SIL1: variants seen among roughly 807,000 people sequenced by gnomAD.
SIL1 encodes the protein SIL1 nucleotide exchange factor, also known as nucleotide exchange factor SIL1.
Under a neutral mutation model 49.1 loss-of-function variants are expected in SIL1, and 40 were observed. The ratio of observed to expected loss-of-function variants is 0.81; its 90% CI spans 0.63 to 1.06. The LOEUF (loss-of-function observed/expected upper bound fraction) is 1.06. Among genes scored for constraint, SIL1 ranks in the 50% least tolerant of loss-of-function variants. The probability of loss-of-function intolerance (pLI) is 0.00; values close to 1 mark genes in which losing one functional copy is unlikely to be tolerated. For synonymous variants in SIL1, 253 were observed against 250.8 expected (o/e 1.01, Z -0.08); for missense variants, 500 against 572.6 (o/e 0.87, Z 1.29).
chr5:139,028,162 A>C (rs2351465), intron 5 of SIL1, among the ~76,000 whole-genome samples: 62,252 of 151,446 alleles, frequency 0.41, 13,472 homozygotes, highest in African/African-American at 0.56. Flanking sequence ...CATCTGTCTC[A>C]CAAAAACGAT....
intron 3 of SIL1, among the ~76,000 whole-genome samples, chr5:139,074,342 C>G (rs1396623164): frequency 6.6e-6 from 1 of 152,170 alleles, no homozygotes; most frequent in Non-Finnish European, 1.5e-5. Flanking sequence ...TAGGCATGAG[C>G]CATCATGGCT....
At chr5:139,050,192 T>A (rs759155508) in intron 4 of SIL1, among the ~76,000 whole-genome samples, 64 of 152,182 alleles carry the variant, frequency 4.2e-4, no homozygotes, top group Non-Finnish European at 7.8e-4. Context: ...GCAGTCCCAA[T>A]AAGGCCCACA....
intron 7 of SIL1, among the ~76,000 whole-genome samples, chr5:138,997,167 C>T (rs1035080474): frequency 2.0e-5 from 3 of 152,170 alleles, no homozygotes; most frequent in Non-Finnish European, 4.4e-5. Context: ...TGGCCTCAAG[C>T]GATCCTCCTG....
intron 7 of SIL1, among the ~76,000 whole-genome samples, chr5:139,010,109 G>A (rs1209670307): frequency 7.1e-6 from 1 of 140,308 alleles, no homozygotes; most frequent in East Asian, 2.1e-4. Context: ...CCAATCAGAC[G>A]TAGATTTGGT....
At chr5:139,156,766 A>G (rs1364573898) in intron 1 of SIL1, among the ~76,000 whole-genome samples, 2 of 152,222 alleles carry the variant, frequency 1.3e-5, no homozygotes, top group Non-Finnish European at 2.9e-5. Flanking sequence ...CAAGGTATAG[A>G]GGGAGCACAG....
At chr5:139,080,961 A>G (rs1467981196) in intron 3 of SIL1, among the ~76,000 whole-genome samples, 6 of 152,238 alleles carry the variant, frequency 3.9e-5, no homozygotes, top group African/African-American at 1.2e-4. Flanking sequence ...GCAGTCTTCC[A>G]TATATGTGTA....
At chr5:139,075,364 C>T (rs141270235) in intron 3 of SIL1, among the ~76,000 whole-genome samples, 56 of 152,278 alleles carry the variant, frequency 3.7e-4, no homozygotes, top group African/African-American at 1.3e-3. Flanking sequence ...TATCTCAAAA[C>T]AAGGACATTA....
rs561520283 is a variant in SIL1 at position 139,044,353 on chromosome 5, T to C, written c.354-1634A>G. Among the ~76,000 whole-genome samples, 18 of 152,242 alleles carry C rather than the reference T, an allele frequency of 1.2e-4. No individual in the cohort carries two copies. The East Asian group carries it at 1.5e-3, about 13-fold the overall frequency. On this transcript the variant is annotated intron_variant, in intron 4 of 9. Transcript: ENST00000394817. The stretch of plus-strand genomic sequence containing the variant: ...GCTTGAACACATTATCTCCTCCCTC[T>C]TGTAAGACTTGGTCAGGACTAATCC...
chr5:139,113,224 C>A (rs2151789449), intron 3 of SIL1, among the ~76,000 whole-genome samples: 1 of 152,132 alleles, frequency 6.6e-6, no homozygotes, highest in South Asian at 2.1e-4. Context: ...TATCTGCTGA[C>A]CTTCCCTCCA....
intron 3 of SIL1, among the ~76,000 whole-genome samples, chr5:139,093,321 T>C (rs572980061): frequency 5.9e-5 from 9 of 152,302 alleles, no homozygotes; most frequent in South Asian, 2.1e-4. Flanking sequence ...TTACCCAGTC[T>C]CAATTATTCT....
rs202111682 is a variant in SIL1, at chr5:139,165,347, CTTGT to C, written c.-11+32918_-11+32921del. Among the ~76,000 whole-genome samples, 451 of 152,226 alleles carry C rather than the reference CTTGT, an allele frequency of 3.0e-3. 1 individual carries two copies. Among genetic ancestry groups the C allele is most frequent in the African/African-American group, 9.9e-3 (411 of 41,554 alleles). On this transcript the variant is annotated intron_variant, in intron 1 of 9. Transcript: ENST00000394817. ...CTTTCTGAACCAAACCAATGTATTT[CTTGT>C]TTGTTTGTTTTTTTGAGATGGAGTT...
At chr5:139,043,300 C>T (rs1250163939) in intron 4 of SIL1, among the ~76,000 whole-genome samples, 1 of 152,214 alleles carries the variant, frequency 6.6e-6, no homozygotes, top group Non-Finnish European at 1.5e-5. Flanking sequence ...GTGCAATGCT[C>T]TCCCTCAGCA....
At chr5:139,148,937 C>G (rs1431298438) in intron 1 of SIL1, among the ~76,000 whole-genome samples, 1 of 152,184 alleles carries the variant, frequency 6.6e-6, no homozygotes, top group African/African-American at 2.4e-5. Flanking sequence ...CTTATGGCAG[C>G]TCTCCTTAAA....
intron 1 of SIL1, among the ~76,000 whole-genome samples, chr5:139,183,388 T>C (rs568971792): frequency 3.8e-4 from 58 of 152,314 alleles, no homozygotes; most frequent in African/African-American, 1.3e-3. Context: ...CTTCCCTCCA[T>C]GTCCATGGTG....
At chr5:139,122,161 A>G (rs1036013512) in intron 2 of SIL1, among the ~76,000 whole-genome samples, 3 of 151,982 alleles carry the variant, frequency 2.0e-5, no homozygotes, top group African/African-American at 7.3e-5. Context: ...TAAAAAGTAT[A>G]TTTCTTGGAA....
chr5:138,986,762 A>T (rs1433060175), intron 7 of SIL1, among the ~76,000 whole-genome samples: 1 of 152,244 alleles, frequency 6.6e-6, no homozygotes, highest in Non-Finnish European at 1.5e-5. Context: ...TGATTTCATC[A>T]TGGAACACTC....
chr5:139,008,259 G>A (rs1768168591), intron 7 of SIL1, among the ~76,000 whole-genome samples: 1 of 151,304 alleles, frequency 6.6e-6, no homozygotes, highest in Non-Finnish European at 1.5e-5. Context: ...AGAGGTGTTT[G>A]TAGTATTCTC....
chr5:138,998,941 C>T (rs1251319443), intron 7 of SIL1, among the ~76,000 whole-genome samples: 1 of 147,194 alleles, frequency 6.8e-6, no homozygotes, highest in African/African-American at 2.5e-5. Context: ...ACTGCAACCT[C>T]TGCCTCCCAG....
intron 1 of SIL1, among the ~76,000 whole-genome samples, chr5:139,130,213 G>A (rs1750834455): frequency 6.6e-6 from 1 of 152,122 alleles, no homozygotes; most frequent in Non-Finnish European, 1.5e-5. Context: ...GAGCCCAGGA[G>A]TTTGAGACCT....
Sources: allele counts gnomAD v4.1 joint callset (sites outside exome capture counted in the v4.1 genomes callset), GRCh38; gene constraint gnomAD v4.1.1; transcripts MANE v1.5; gene names NCBI Gene and HGNC (gene_info 2026-07-23, HGNC 2026-07-21).